BCOR: variants seen among roughly 807,000 people sequenced by gnomAD.
The protein encoded by BCOR is BCL-6 corepressor.
In BCOR, 10 loss-of-function variants were observed where a neutral mutation model predicts 86.7. That is an observed-to-expected ratio of 0.12 (90% confidence interval 0.07 to 0.20). The LOEUF (loss-of-function observed/expected upper bound fraction) is 0.20, where lower values mean the gene tolerates loss of function less well. Among genes scored for constraint, BCOR ranks in the 10% least tolerant of loss-of-function variants. The probability of loss-of-function intolerance (pLI) is 1.00; values close to 1 mark genes in which losing one functional copy is unlikely to be tolerated. For missense variants in BCOR, 1,259 were observed against 1,452.1 expected, an observed-to-expected ratio of 0.87 and a Z score of 2.16; for synonymous variants, 611 against 609.0, an observed-to-expected ratio of 1.00 and a Z score of -0.05.
In BCOR at chrX:40,147,481, G is replaced by A. The variant is rs772472541; in HGVS notation, c.-41+29526C>T. Among the ~76,000 whole-genome samples, 206 of 112,690 alleles carry A rather than the reference G, an allele frequency of 1.8e-3. 2 individuals carry two copies. The highest frequency in any genetic ancestry group is 8.1e-4 in the Non-Finnish European group (43 of 53,262). ...GGGATGCGTCTGCCTAAGGCGAGGT[G>A]GGGAGAAGGAGAGCGCAAGAAGTGG... On this transcript the variant is annotated intron_variant, in intron 1 of 14. Coordinates refer to the BCOR transcript ENST00000342274.
intron 1 of BCOR, among the ~76,000 whole-genome samples, chrX:40,112,640 T>C (rs924735871): frequency 9.0e-6 from 1 of 111,320 alleles, no homozygotes; most frequent in Non-Finnish European, 1.9e-5. Flanking sequence ...TGTCTCGAAC[T>C]CCTGACCTCA....
chrX:40,118,428 A>G (rs991235356), intron 1 of BCOR, among the ~76,000 whole-genome samples: 1 of 108,645 alleles, frequency 9.2e-6, no homozygotes, highest in Non-Finnish European at 1.9e-5. Context: ...GCACCTGGCT[A>G]ATTTTTTTTT....
intron 14 of BCOR, among the ~76,000 whole-genome samples, 167 bp from the exon 15 acceptor site, chrX:40,052,567 TTTTTTTTTTTTTTTG>T (rs1364306518): frequency 5.1e-5 from 3 of 58,801 alleles, no homozygotes; most frequent in Non-Finnish European, 3.0e-5. Flanking sequence ...TTTTTTTTTT[TTTTTTTTTTTTTTTG>T]GAGACGGAAT....
At chrX:40,063,567 C>A (rs1318848372) in intron 8 of BCOR, 41 bp downstream of exon 8, 2 of 1,111,940 alleles carry the variant, frequency 1.8e-6, no homozygotes, top group South Asian at 1.9e-5. Context: ...GACCCACCCT[C>A]CAGGAGCGGG....
At chrX:40,064,731 G>T (rs865832941) in intron 6 of BCOR, 132 bp from the exon 7 acceptor site, 1 of 718,546 alleles carries the variant, frequency 1.4e-6, no homozygotes, top group Middle Eastern at 4.8e-4. Flanking sequence ...GGAGACTGGG[G>T]TCCTCACACA....
intron 1 of BCOR, among the ~76,000 whole-genome samples, chrX:40,163,090 C>T (rs749373560): frequency 8.9e-6 from 1 of 111,848 alleles, no homozygotes; most frequent in Non-Finnish European, 1.9e-5. Context: ...TGACTACATT[C>T]CTAGCTTTGT....
chrX:40,079,335 G>A (rs972233203), intron 1 of BCOR, among the ~76,000 whole-genome samples: 4 of 112,467 alleles, frequency 3.6e-5, no homozygotes, highest in African/African-American at 1.3e-4. Flanking sequence ...CTGCCAGGTC[G>A]GTTGGGTTGG....
At chrX:40,168,080 G>A (rs954109972) in intron 1 of BCOR, among the ~76,000 whole-genome samples, 1 of 112,719 alleles carries the variant, frequency 8.9e-6, no homozygotes, top group African/African-American at 3.2e-5. Context: ...TCATCGGAAC[G>A]CACACACAGA....
intron 1 of BCOR, among the ~76,000 whole-genome samples, chrX:40,082,903 GC>G (rs1289578215): frequency 9.0e-6 from 1 of 111,256 alleles, no homozygotes; most frequent in Non-Finnish European, 1.9e-5. Context: ...ACCTCATCCT[GC>G]GGGGGAGGCT....
chrX:40,095,166 C>T (rs1936800232), intron 1 of BCOR, among the ~76,000 whole-genome samples: 1 of 111,836 alleles, frequency 8.9e-6, no homozygotes, highest in Admixed American at 9.4e-5. Context: ...CTCCGCTCTA[C>T]GCGCTGAAAC....
At chrX:40,096,494 C>T (rs1936879854) in intron 1 of BCOR, among the ~76,000 whole-genome samples, 1 of 108,443 alleles carries the variant, frequency 9.2e-6, no homozygotes, top group African/African-American at 3.6e-5. Flanking sequence ...GAACCCCTTG[C>T]TCTGCTCGAT....
chrX:40,162,719 T>C (rs1194745386), intron 1 of BCOR, among the ~76,000 whole-genome samples: 2 of 112,046 alleles, frequency 1.8e-5, no homozygotes, highest in Non-Finnish European at 3.8e-5. Context: ...GGAAGATGTG[T>C]CATGTTAAGG....
intron 1 of BCOR, among the ~76,000 whole-genome samples, chrX:40,155,586 G>A (rs1464553718): frequency 9.1e-6 from 1 of 110,446 alleles, no homozygotes; most frequent in African/African-American, 3.3e-5. Context: ...CCTTGGACGC[G>A]AGGAGACCCC....
chrX:40,166,732 G>A (rs1383420044), intron 1 of BCOR, among the ~76,000 whole-genome samples: 1 of 112,079 alleles, frequency 8.9e-6, no homozygotes, highest in Non-Finnish European at 1.9e-5. Flanking sequence ...GATGAAAGGC[G>A]CTTAAGTGCA....
At chrX:40,108,089 G>A (rs1435362101) in intron 1 of BCOR, among the ~76,000 whole-genome samples, 1 of 112,881 alleles carries the variant, frequency 8.9e-6, no homozygotes, top group Non-Finnish European at 1.9e-5. Flanking sequence ...CAAGCGCGCC[G>A]GATCCACAGC....
At chrX:40,080,033 G>A (rs1936004537) in intron 1 of BCOR, among the ~76,000 whole-genome samples, 1 of 94,169 alleles carries the variant, frequency 1.1e-5, no homozygotes, top group Non-Finnish European at 1.9e-5. Context: ...ATTACATCAT[G>A]AGCCAAAGGG....
intron 1 of BCOR, among the ~76,000 whole-genome samples, chrX:40,144,247 G>T (rs755048523): frequency 8.9e-6 from 1 of 112,369 alleles, no homozygotes; most frequent in African/African-American, 3.2e-5. Flanking sequence ...TGGAGAAAGT[G>T]AAATAAGACA....
At chrX:40,115,042 C>T (rs761772624) in intron 1 of BCOR, among the ~76,000 whole-genome samples, 55 of 109,771 alleles carry the variant, frequency 5.0e-4, no homozygotes, top group Non-Finnish European at 8.2e-4. Context: ...TTAGTAGAGA[C>T]GGGGTTTCAT....
At chrX:40,161,634 C>A (rs765299498) in intron 1 of BCOR, among the ~76,000 whole-genome samples, 21 of 107,330 alleles carry the variant, frequency 2.0e-4, no homozygotes, top group Non-Finnish European at 3.9e-5. Context: ...CTGCCCCAGC[C>A]TCCCGGGTAG....
Sources: allele counts gnomAD v4.1 joint callset (sites outside exome capture counted in the v4.1 genomes callset), GRCh38; gene constraint gnomAD v4.1.1; transcripts MANE v1.5; gene names NCBI Gene and HGNC (gene_info 2026-07-23, HGNC 2026-07-21).